Variants in ZFHX3 observed in about 807,000 individuals in gnomAD.
ZFHX3 encodes the protein zinc finger homeobox protein 3.
Under a neutral mutation model 279.1 loss-of-function variants are expected in ZFHX3, and 42 were observed. The observed-to-expected ratio is 0.15, with a 90% CI of 0.12 to 0.19. The LOEUF (loss-of-function observed/expected upper bound fraction) is 0.19. Ranked by LOEUF, ZFHX3 falls within the 10% of genes least tolerant of loss-of-function variation. ZFHX3 has a pLI of 1.00. For synonymous variants in ZFHX3, 2,293 were observed against 1,957.8 expected (o/e 1.17, Z -4.52); for missense variants, 4,981 against 4,754.0 (o/e 1.05, Z -1.40).
At chr16:73,515,896 T>A (rs2019512809) in intron 2 of ZFHX3, among the ~76,000 whole-genome samples, 1 of 152,240 alleles carries the variant, frequency 6.6e-6, no homozygotes, top group African/African-American at 2.4e-5. Context: ...TGGAAGATGA[T>A]GTAGAGTCAG....
chr16:73,631,861 C>T (rs935465299), intron 2 of ZFHX3, among the ~76,000 whole-genome samples: 5 of 150,640 alleles, frequency 3.3e-5, no homozygotes, highest in East Asian at 3.9e-4. Flanking sequence ...GAGCCGAGAT[C>T]GTGCCATTGC....
At chr16:73,064,447 C>T (rs1313897730), upstream of ZFHX3, among the ~76,000 whole-genome samples, 1 of 151,982 alleles carries the variant, frequency 6.6e-6, no homozygotes, top group African/African-American at 2.4e-5. Flanking sequence ...GGAAATCAAA[C>T]CAAATTGGCC....
At chr16:72,949,794 AC>A (rs1168660321) in intron 3 of ZFHX3, among the ~76,000 whole-genome samples, 2 of 150,948 alleles carry the variant, frequency 1.3e-5, no homozygotes, top group Admixed American at 6.6e-5. Context: ...CCCCTCATGG[AC>A]CCAATTTTCC....
intron 5 of ZFHX3, among the ~76,000 whole-genome samples, chr16:73,165,244 G>T (rs1042352560): frequency 1.3e-5 from 2 of 152,168 alleles, no homozygotes; most frequent in African/African-American, 4.8e-5. Context: ...TGCAAAACAC[G>T]CCGGCAGCTG....
chr16:72,986,645 T>C (rs1962859116), intron 1 of ZFHX3, among the ~76,000 whole-genome samples: 1 of 152,098 alleles, frequency 6.6e-6, no homozygotes. Context: ...ATCGGCACCG[T>C]CTCCAATGCT....
At chr16:73,855,711 A>G (rs1961710032) in intron 1 of ZFHX3, among the ~76,000 whole-genome samples, 1 of 152,186 alleles carries the variant, frequency 6.6e-6, no homozygotes, top group African/African-American at 2.4e-5. Context: ...AAAGAACAAA[A>G]CTAAACTTCC....
chr16:73,055,003 A>T lies in ZFHX3; in HGVS notation c.-24+3527T>A, dbSNP rs191913821. The stretch of plus-strand genomic sequence containing the variant: ...AGAACCTATACAGCAGACGAATTGG[A>T]AAGGGGTGAGTGAATTCTGTGTGAA... On this transcript the variant is annotated intron_variant, in intron 1 of 8. Coordinates refer to the ZFHX3 transcript ENST00000397992. 2.2e-4 allele frequency among the ~76,000 whole-genome samples: 34 copies of T among 152,038 alleles called. No homozygotes were observed. In the East Asian group the frequency reaches 6.6e-3, roughly 29 times the overall value.
intron 1 of ZFHX3, among the ~76,000 whole-genome samples, chr16:73,850,124 G>A (rs2142378572): frequency 6.6e-6 from 1 of 152,264 alleles, no homozygotes; most frequent in East Asian, 1.9e-4. Context: ...TAGAAACCAT[G>A]GCTTCCTTTG....
intron 7 of ZFHX3, among the ~76,000 whole-genome samples, chr16:73,112,582 A>T (rs1966387624): frequency 6.6e-6 from 1 of 151,704 alleles, no homozygotes; most frequent in Non-Finnish European, 1.5e-5. Context: ...GCGTGGTGGC[A>T]CATGTCTGTA....
chr16:73,106,875 GTAATGACAAA>G (rs1453287084), intron 7 of ZFHX3, among the ~76,000 whole-genome samples: 11 of 152,188 alleles, frequency 7.2e-5, no homozygotes, highest in Admixed American at 6.5e-4. Flanking sequence ...CACCACATGA[GTAATGACAAA>G]TGGGTCCGGA....
intron 3 of ZFHX3, among the ~76,000 whole-genome samples, chr16:73,440,073 T>C (rs1044244239): frequency 5.9e-5 from 9 of 152,222 alleles, no homozygotes; most frequent in African/African-American, 1.7e-4. Flanking sequence ...TGAGGGTTCA[T>C]TGATGGAAAC....
intron 3 of ZFHX3, among the ~76,000 whole-genome samples, chr16:72,929,677 G>A (rs1475153619): frequency 1.3e-5 from 2 of 152,208 alleles, no homozygotes; most frequent in South Asian, 2.1e-4. Flanking sequence ...GGCCCTCCAC[G>A]CAAGCTGGCT....
At chr16:73,775,955 T>C (rs888677461) in intron 1 of ZFHX3, among the ~76,000 whole-genome samples, 47 of 152,290 alleles carry the variant, frequency 3.1e-4, no homozygotes, top group Middle Eastern at 3.4e-3. Context: ...GAAAATATAC[T>C]AGGCTATATT....
intron 2 of ZFHX3, among the ~76,000 whole-genome samples, chr16:73,507,797 G>A (rs2019354309): frequency 6.6e-6 from 1 of 152,060 alleles, no homozygotes; most frequent in South Asian, 2.1e-4. Flanking sequence ...CACTGTGCCT[G>A]GCCTCTGCCA....
intron 8 of ZFHX3, 105 bp downstream of exon 8, chr16:72,799,922 T>A (rs964892093): frequency 7.9e-6 from 8 of 1,017,846 alleles, no homozygotes; most frequent in Non-Finnish European, 1.1e-5. Flanking sequence ...ATCAGTTACA[T>A]TCACCTTAAG....
At position 73,340,439 on chromosome 16, in the gene ZFHX3, G is replaced by A. The variant is rs182448506; in HGVS notation, c.-1290-22103C>T. Among the ~76,000 whole-genome samples the A allele has an allele frequency of 7.9e-5, 12 of 152,336 alleles. No individual in the cohort carries two copies. The East Asian group carries it at 1.7e-3, about 22-fold the overall frequency. On this transcript the variant is annotated intron_variant, in intron 3 of 17. Coordinates refer to the ZFHX3 transcript ENST00000641206. ...AGTGGCACGATGATCATGGCTCACCGCAGCCTTGCTGGGCTCAAGCAATCC... is the reference window on the plus strand; with the variant it reads ...AGTGGCACGATGATCATGGCTCACCACAGCCTTGCTGGGCTCAAGCAATCC...
intron 7 of ZFHX3, among the ~76,000 whole-genome samples, chr16:73,118,855 T>C (rs1966462616): frequency 1.3e-5 from 2 of 152,182 alleles, no homozygotes; most frequent in African/African-American, 4.8e-5. Context: ...CCAGCACCCA[T>C]GTAACTATCC....
At chr16:73,882,959 C>T (rs922025580) in intron 1 of ZFHX3, among the ~76,000 whole-genome samples, 3 of 151,818 alleles carry the variant, frequency 2.0e-5, no homozygotes, top group African/African-American at 4.8e-5. Context: ...TACCAGTGGG[C>T]CTTGGTTATA....
At chr16:73,526,238 A>G (rs2019692205) in intron 2 of ZFHX3, among the ~76,000 whole-genome samples, 1 of 152,242 alleles carries the variant, frequency 6.6e-6, no homozygotes, top group Admixed American at 6.5e-5. Context: ...ATGGGCTGAT[A>G]TATTCTTTCA....
Sources: gnomAD v4.1 joint callset for allele counts (sites outside exome capture counted in the v4.1 genomes callset) on GRCh38, gnomAD v4.1.1 for gene constraint, MANE v1.5 for transcripts, NCBI Gene and HGNC (gene_info 2026-07-23, HGNC 2026-07-21) for gene names.